The following PTPRA variants were observed in gnomAD, a reference collection of about 807,000 sequenced individuals.
The protein encoded by PTPRA is receptor-type tyrosine-protein phosphatase alpha.
Under a neutral mutation model 104.8 loss-of-function variants are expected in PTPRA, and 25 were observed. The observed-to-expected ratio is 0.24, with a 90% CI of 0.17 to 0.33. The LOEUF is 0.33. PTPRA is among the 10% of genes least tolerant of loss of function. PTPRA has a pLI of 1.00. For missense variants in PTPRA, 765 were observed against 1,015.3 expected, an observed-to-expected ratio of 0.75 and a Z score of 3.35; for synonymous variants, 323 against 368.9, an observed-to-expected ratio of 0.88 and a Z score of 1.43.
At chr20:3,028,562 A>C (rs1475977679) in intron 20 of PTPRA, among the ~76,000 whole-genome samples, 3 of 152,106 alleles carry the variant, frequency 2.0e-5, no homozygotes, top group Non-Finnish European at 4.4e-5. Flanking sequence ...CTCACCCCCC[A>C]CATTATGGGG....
At chr20:2,946,053 G>T (rs1165935984) in intron 2 of PTPRA, among the ~76,000 whole-genome samples, 1 of 152,026 alleles carries the variant, frequency 6.6e-6, no homozygotes, top group Non-Finnish European at 1.5e-5. Flanking sequence ...CTATGGTTGT[G>T]AATATTTGGA....
chr20:3,026,560 C>A, intron 17 of PTPRA, 127 bp from the exon 18 acceptor site: 1 of 684,970 alleles, frequency 1.5e-6, no homozygotes, highest in Non-Finnish European at 2.6e-6. Flanking sequence ...GAACAGAGGT[C>A]AGGGCCCTGG....
At chr20:3,002,562 A>G (rs571436804) in intron 9 of PTPRA, among the ~76,000 whole-genome samples, 35 of 152,150 alleles carry the variant, frequency 2.3e-4, no homozygotes, top group African/African-American at 8.4e-4. Context: ...CCAGACCTCA[A>G]ATGATCCACC....
chr20:3,036,483 A>G (rs1182683666), intron 22 of PTPRA, among the ~76,000 whole-genome samples: 1 of 152,218 alleles, frequency 6.6e-6, no homozygotes, highest in East Asian at 1.9e-4. Flanking sequence ...GGCTCTGAGC[A>G]CACTCCTGCC....
intron 2 of PTPRA, among the ~76,000 whole-genome samples, chr20:2,947,510 CTT>C (rs1381939852): frequency 6.6e-6 from 1 of 152,166 alleles, no homozygotes; most frequent in Non-Finnish European, 1.5e-5. Flanking sequence ...GGTCATCTGA[CTT>C]TGCTTTTGTG....
chr20:2,928,250 C>T (rs897039188), intron 2 of PTPRA, among the ~76,000 whole-genome samples: 3 of 152,074 alleles, frequency 2.0e-5, no homozygotes, highest in Non-Finnish European at 2.9e-5. Flanking sequence ...ATTCTCCTGC[C>T]TCAGCCTCCT....
chr20:2,969,043 A>G (rs753433865), intron 5 of PTPRA, among the ~76,000 whole-genome samples: 5 of 152,066 alleles, frequency 3.3e-5, no homozygotes, highest in Non-Finnish European at 5.9e-5. Flanking sequence ...CCCTCTGTCT[A>G]CCTACTAAAA....
At chr20:2,923,522 G>A (rs545900732) in intron 2 of PTPRA, among the ~76,000 whole-genome samples, 13 of 151,998 alleles carry the variant, frequency 8.6e-5, no homozygotes, top group African/African-American at 3.1e-4. Context: ...AGTCAGGCTG[G>A]GCATGGTGGA....
In PTPRA at chr20:2,955,606, T is replaced by C. The variant is rs539708459; in HGVS notation, c.-7+7582T>C. On this transcript the variant is annotated intron_variant, in intron 3 of 23. Transcript: ENST00000399903. ...TAATGAAAGTTGATATCTGGTGTTC[T>C]AGGACTTCTTCAGAAGCTTGCCAGT... is the stretch of plus-strand genomic sequence containing the variant. 2.5e-4 allele frequency: 242 copies of C among 984,008 alleles called. 1 individual carries two copies. In the Middle Eastern group the frequency reaches 4.2e-3, roughly 17 times the overall value. 61.0% of individuals were successfully genotyped at this position (984,008 alleles called of 1,614,324 possible).
At chr20:3,018,615 T>C (rs937557034) in intron 13 of PTPRA, among the ~76,000 whole-genome samples, 46 of 151,844 alleles carry the variant, frequency 3.0e-4, no homozygotes, top group Non-Finnish European at 6.2e-4. Context: ...AAGTCTCCCA[T>C]GTCTACTTCT....
intron 10 of PTPRA, 101 bp downstream of exon 10, chr20:3,005,247 A>T: frequency 8.4e-7 from 1 of 1,193,698 alleles, no homozygotes; most frequent in Non-Finnish European, 1.2e-6. Context: ...CAGCAGGGTG[A>T]ATAACAAGAG....
At chr20:3,024,727 C>A in intron 17 of PTPRA, 106 bp downstream of exon 17, 1 of 1,362,128 alleles carries the variant, frequency 7.3e-7, no homozygotes, top group Non-Finnish European at 1.0e-6. Context: ...CCTTGTGAGG[C>A]ATGCCAGTGG....
chr20:3,032,546 T>TTG (rs2065522849), intron 20 of PTPRA, among the ~76,000 whole-genome samples: 2 of 152,020 alleles, frequency 1.3e-5, no homozygotes, highest in Non-Finnish European at 2.9e-5. Flanking sequence ...GGTGGGCGGA[T>TTG]CACAAAGTCA....
chr20:2,918,802 G>GT (rs1023339114), intron 1 of PTPRA, among the ~76,000 whole-genome samples: 82 of 152,218 alleles, frequency 5.4e-4, no homozygotes, highest in African/African-American at 1.9e-3. Flanking sequence ...TAGCTAGTGG[G>GT]TAAGAGCAGA....
At position 2,982,587 on chromosome 20, in the gene PTPRA, G is replaced by A. The variant is rs370293157; in HGVS notation, c.443-4178G>A. On this transcript the variant is annotated intron_variant, in intron 6 of 23. Transcript: ENST00000399903. ...TTGTGGAATTTATGCTATAAAGGAG[G>A]GATATTCATTAATCAACAAAGTCAA... Among the ~76,000 whole-genome samples the A allele has an allele frequency of 3.3e-5, 5 of 152,048 alleles. No homozygotes were observed. In the East Asian group the frequency reaches 9.6e-4, roughly 29 times the overall value.
Position 3,021,313 on chromosome 20 carries a change from A to C in PTPRA, c.1046A>C (p.Lys349Thr). ...VTNLKERKECKCAQYWPDQGC... is the reference protein window; with the variant it reads ...VTNLKERKECTCAQYWPDQGC... Reference sequence around the variant, plus strand: ...TGTATGTCTTTTTCTTTCCAGTGCAAGTGCGCCCAGTACTGGCCAGACCAA... The same window carrying C: ...TGTATGTCTTTTTCTTTCCAGTGCACGTGCGCCCAGTACTGGCCAGACCAA... Residue 349 changes from lysine to threonine, a missense_variant, in exon 14 of 24, where the codon AAG (lysine) becomes ACG (threonine). Physicochemically the swap from Lys to Thr is moderately conservative, Grantham distance 78 (BLOSUM62 -1). Transcript: ENST00000399903. The C allele has an allele frequency of 6.2e-7, 1 of 1,614,002 alleles. No individual in the cohort carries two copies. Among genetic ancestry groups the C allele is most frequent in the Non-Finnish European group, 8.5e-7 (1 of 1,179,910 alleles).
upstream of PTPRA, among the ~76,000 whole-genome samples, chr20:2,869,664 G>A (rs1188217769): frequency 2.0e-5 from 3 of 152,202 alleles, no homozygotes. Context: ...GGTAGCCAGT[G>A]CAGGGAGAAT....
At position 2,995,212 on chromosome 20, in the gene PTPRA, G is replaced by T. The variant is rs2063350263; in HGVS notation, c.738+6738G>T. Among the ~76,000 whole-genome samples the T allele has an allele frequency of 2.0e-5, 3 of 152,130 alleles. No individual in the cohort carries two copies. The South Asian group carries it at 6.2e-4, about 32-fold the overall frequency. On this transcript the variant is annotated intron_variant, in intron 9 of 23. Coordinates refer to ENST00000399903, the MANE Select transcript of PTPRA (RefSeq NM_001385305.1). ...GTCTCCAAAATCTATATCAACAATT[G>T]TTCCTATCATTTGTAATGATCCAGC...
intron 1 of PTPRA, among the ~76,000 whole-genome samples, chr20:2,901,890 C>A (rs971883391): frequency 1.3e-4 from 18 of 142,902 alleles, no homozygotes; most frequent in African/African-American, 4.6e-4. Context: ...GTGATTTTTT[C>A]TTTTTTTTTT....
Sources: allele counts gnomAD v4.1 joint callset (sites outside exome capture counted in the v4.1 genomes callset), GRCh38; gene constraint gnomAD v4.1.1; transcripts MANE v1.5; gene names NCBI Gene and HGNC (gene_info 2026-07-23, HGNC 2026-07-21).